Variants in GRAP2 observed in about 807,000 individuals in gnomAD.
GRAP2 encodes GRB2-related adapter protein 2.
A neutral mutation model predicts 43.5 loss-of-function variants in GRAP2; 31 were observed. That is an observed-to-expected ratio of 0.71 (90% CI 0.54 to 0.96). The LOEUF (loss-of-function observed/expected upper bound fraction) is 0.96, where lower values mean the gene tolerates loss of function less well. GRAP2 is among the 40% of genes least tolerant of loss of function. The pLI is 0.00. For synonymous variants in GRAP2, 156 were observed against 164.8 expected (o/e 0.95, Z 0.41); for missense variants, 371 against 424.4 (o/e 0.87, Z 1.11).
chr22:39,911,104 T>C (rs905363807), intron 1 of GRAP2, among the ~76,000 whole-genome samples: 1 of 152,266 alleles, frequency 6.6e-6, no homozygotes, highest in South Asian at 2.1e-4. Context: ...TGCAAAACCC[T>C]AAGGAAATGT....
intron 1 of GRAP2, among the ~76,000 whole-genome samples, chr22:39,942,616 T>A (rs537254477): frequency 2.7e-5 from 4 of 148,920 alleles, no homozygotes; most frequent in Admixed American, 2.7e-4. Context: ...GAGACCCCGA[T>A]CTCTACCAAA....
rs144299118 is a variant in GRAP2 at position 39,966,065 on chromosome 22, T to C, written c.366T>C (p.Phe122=). 1.4e-5 allele frequency: 23 copies of C among 1,613,648 alleles called. No individual in the cohort carries two copies. The African/African-American group carries it at 2.8e-4, about 20-fold the overall frequency. The change falls in exon 5 of 8, where the codon TTT becomes TTC. Residue 122 remains phenylalanine (F), a synonymous_variant. Coordinates refer to ENST00000344138, the MANE Select transcript of GRAP2 (RefSeq NM_004810.4). The part of the protein sequence containing the change: ...KGNYFLWTEK[F]PSLNKLVDYY... ...ATTACTTTCTGTGGACTGAGAAGTT[T>C]CCATCCCTAAATAAGCTGGTAGACT...
chr22:39,899,396 C>T (rs996020687), upstream of GRAP2, among the ~76,000 whole-genome samples: 1 of 152,164 alleles, frequency 6.6e-6, no homozygotes, highest in African/African-American at 2.4e-5. Flanking sequence ...CTCCTTTAAC[C>T]ATTTCAAAAC....
At position 39,964,175 on chromosome 22, in the gene GRAP2, G is replaced by A. The variant is rs2067146968; in HGVS notation, c.291-1815G>A. The A allele has an allele frequency of 5.7e-6, 3 of 525,628 alleles. No individual in the cohort carries two copies. The Admixed American group carries it at 1.1e-4, about 19-fold the overall frequency. 32.6% of individuals were successfully genotyped at this position (525,628 alleles called of 1,614,324 possible). A position where few individuals can be genotyped will look rare whatever the true frequency, so the allele number is the denominator to read the frequency against. ...TGAAAAATAAACTTTACATCCAAAA[G>A]AGAATGACTTGGCAATGAAGTAAAA... On this transcript the variant is annotated intron_variant, in intron 4 of 7. Transcript: ENST00000344138.
intron 1 of GRAP2, among the ~76,000 whole-genome samples, chr22:39,927,533 A>G (rs1229528895): frequency 1.3e-5 from 2 of 152,350 alleles, no homozygotes; most frequent in East Asian, 3.9e-4. Context: ...TGCAGGCTGC[A>G]TCTTTTCTTC....
At chr22:39,967,546 T>C (rs138008) in intron 5 of GRAP2, among the ~76,000 whole-genome samples, 125,057 of 152,062 alleles carry the variant, frequency 0.82, 52,234 homozygotes, top group African/African-American at 0.91. Flanking sequence ...TTCCCCCACG[T>C]CCAGCCCGGC....
chr22:39,955,771 T>C (rs758026473), intron 2 of GRAP2, 48 bp from the exon 3 acceptor site: 3 of 928,064 alleles, frequency 3.2e-6, no homozygotes, highest in East Asian at 2.4e-5. Flanking sequence ...TCTTGTTTTT[T>C]TGGTGTCCTC....
intron 1 of GRAP2, among the ~76,000 whole-genome samples, chr22:39,929,179 G>C (rs1383653083): frequency 1.3e-5 from 2 of 152,154 alleles, no homozygotes; most frequent in African/African-American, 2.4e-5. Context: ...ACTGTACTAT[G>C]GTGATGTAAG....
chr22:39,920,977 C>T (rs924743435), intron 1 of GRAP2, among the ~76,000 whole-genome samples: 6 of 150,784 alleles, frequency 4.0e-5, no homozygotes, highest in Non-Finnish European at 7.4e-5. Flanking sequence ...CACACACACA[C>T]ACACACACAC....
intron 1 of GRAP2, among the ~76,000 whole-genome samples, chr22:39,901,564 A>G (rs1448749349): frequency 6.6e-6 from 1 of 152,226 alleles, no homozygotes; most frequent in Non-Finnish European, 1.5e-5. Context: ...CCAGTCCATA[A>G]CACAAAAATC....
intron 1 of GRAP2, among the ~76,000 whole-genome samples, chr22:39,903,630 A>G (rs1196661656): frequency 1.3e-5 from 2 of 151,892 alleles, no homozygotes; most frequent in African/African-American, 2.4e-5. Flanking sequence ...GGTACACACC[A>G]CCACACCTGG....
intron 1 of GRAP2, among the ~76,000 whole-genome samples, chr22:39,919,398 T>G (rs985707840): frequency 1.3e-5 from 2 of 152,226 alleles, no homozygotes; most frequent in Non-Finnish European, 2.9e-5. Context: ...ACAAATAACT[T>G]ATATTTTGCA....
intron 1 of GRAP2, among the ~76,000 whole-genome samples, chr22:39,910,499 C>T (rs189628962): frequency 1.4e-3 from 218 of 152,116 alleles, no homozygotes; most frequent in African/African-American, 5.1e-3. Flanking sequence ...ACCTCTGCCT[C>T]GTGAGTTCAA....
At chr22:39,921,854 A>G (rs2066655544) in intron 1 of GRAP2, among the ~76,000 whole-genome samples, 1 of 152,192 alleles carries the variant, frequency 6.6e-6, no homozygotes, top group Admixed American at 6.5e-5. Context: ...TGCCCAGGCT[A>G]GAGTGCAGTG....
chr22:39,948,461 T>G (rs1346288257), intron 2 of GRAP2: 2 of 151,924 alleles, frequency 1.3e-5, no homozygotes, highest in Non-Finnish European at 2.9e-5. Flanking sequence ...CACCCTCGTC[T>G]TCCATTACAA....
intron 1 of GRAP2, among the ~76,000 whole-genome samples, chr22:39,935,490 CAAATT>C (rs1194546121): frequency 2.0e-5 from 3 of 152,098 alleles, no homozygotes; most frequent in African/African-American, 4.8e-5. Context: ...GAACCAAACT[CAAATT>C]AGAAAGAACA....
chr22:39,922,682 CA>C lies in GRAP2; in HGVS notation c.-15+21353del, dbSNP rs142714754. On this transcript the variant is annotated intron_variant, in intron 1 of 7. Transcript: ENST00000344138. ...GAGTCAGGAAGGAGAAGTAGGATGC[CA>C]GGGTTGTGGGGAAAGACGATAAAGC... Among the ~76,000 whole-genome samples the C allele has an allele frequency of 1.1e-3, 163 of 152,216 alleles. 5 individuals carry two copies. In the East Asian group the frequency reaches 0.028, roughly 26 times the overall value.
chr22:39,968,104 G>A lies in GRAP2; in HGVS notation c.522G>A (p.Val174=), dbSNP rs2067194153. 2.5e-6 allele frequency: 4 copies of A among 1,611,278 alleles called. No homozygotes were observed. The South Asian group carries it at 3.3e-5, about 13-fold the overall frequency. The change falls in exon 6 of 8, where the codon GTG becomes GTA. Residue 174 remains valine (V), a synonymous_variant. Transcript: ENST00000344138. ...SQGGPHLSGA[V]GEEIRPSMNR... Reference sequence around the variant, plus strand: ...GAGGCCCACACCTCAGTGGGGCTGTGGGAGAAGAAATCCGACCTTCGATGA... The same window carrying A: ...GAGGCCCACACCTCAGTGGGGCTGTAGGAGAAGAAATCCGACCTTCGATGA...
intron 1 of GRAP2, among the ~76,000 whole-genome samples, chr22:39,914,529 A>G (rs1221921232): frequency 6.6e-6 from 1 of 152,234 alleles, no homozygotes; most frequent in African/African-American, 2.4e-5. Context: ...TTCCATGGAA[A>G]GGATTTACTC....
Sources: gnomAD v4.1 joint callset for allele counts (sites outside exome capture counted in the v4.1 genomes callset) on GRCh38, gnomAD v4.1.1 for gene constraint, MANE v1.5 for transcripts, NCBI Gene and HGNC (gene_info 2026-07-23, HGNC 2026-07-21) for gene names.